The following DERL1 variants were observed in gnomAD, a reference collection of about 807,000 sequenced individuals.
DERL1 encodes the protein derlin 1.
Under a neutral mutation model 41.6 loss-of-function variants are expected in DERL1, and 24 were observed. That is an observed-to-expected ratio of 0.58 (90% CI 0.42 to 0.81). The LOEUF (loss-of-function observed/expected upper bound fraction) is 0.81, where lower values mean the gene tolerates loss of function less well. Ranked by LOEUF, DERL1 falls within the 30% of genes least tolerant of loss-of-function variation. DERL1 has a pLI of 0.00. For missense variants in DERL1, 260 were observed against 314.3 expected (o/e 0.83, Z 1.31); for synonymous variants, 124 against 112.5 (o/e 1.10, Z -0.65).
chr8:123,030,551 A>G, intron 2 of DERL1, 54 bp downstream of exon 2: 1 of 1,289,630 alleles, frequency 7.8e-7, no homozygotes. Context: ...AAGTAAACAC[A>G]TGGATTAGTA....
In DERL1 at chr8:123,019,596, C is replaced by A. The variant is rs142406298; in HGVS notation, c.507-291G>T. On this transcript the variant is annotated intron_variant, in intron 6 of 7. Transcript: ENST00000259512. ...AAAATATTGTTTTTGCTACTTCCTGCCTCAAGAGTTGGGGAAGTTGCAAAG... is the reference window on the plus strand; with the variant it reads ...AAAATATTGTTTTTGCTACTTCCTGACTCAAGAGTTGGGGAAGTTGCAAAG... 3.8e-3 allele frequency among the ~76,000 whole-genome samples: 581 copies of A among 152,262 alleles called. 4 individuals are homozygous for A. The highest frequency in any genetic ancestry group is 0.013 in the African/African-American group (549 of 41,538).
chr8:123,041,290 C>T (rs1219349256), intron 1 of DERL1, among the ~76,000 whole-genome samples: 2 of 152,204 alleles, frequency 1.3e-5, no homozygotes, highest in East Asian at 3.9e-4. Context: ...TTGGTGAATA[C>T]AGATAACCTT....
intron 6 of DERL1, 151 bp downstream of exon 6, chr8:123,021,296 T>A (rs536385924): frequency 2.8e-6 from 2 of 718,820 alleles, no homozygotes; most frequent in African/African-American, 3.6e-5. Flanking sequence ...ATCTAATCAA[T>A]TCAATCGAAG....
intron 3 of DERL1, among the ~76,000 whole-genome samples, 153 bp downstream of exon 3, chr8:123,024,833 G>GT (rs879222750): frequency 9.2e-5 from 14 of 152,094 alleles, no homozygotes; most frequent in South Asian, 4.2e-4. Flanking sequence ...ATTTACTACA[G>GT]TTTTTTTTAA....
At chr8:123,022,622 G>A in intron 5 of DERL1, 62 bp downstream of exon 5, 3 of 1,498,700 alleles carry the variant, frequency 2.0e-6, no homozygotes, top group Non-Finnish European at 2.8e-6. Flanking sequence ...GTACATCTCT[G>A]GACTGAAGAG....
chr8:123,034,981 T>C (rs1184420096), intron 1 of DERL1, among the ~76,000 whole-genome samples: 1 of 152,240 alleles, frequency 6.6e-6, no homozygotes, highest in Admixed American at 6.5e-5. Context: ...TTAATATGTG[T>C]GGGTGTGTTA....
chr8:123,017,446 ATGGAAGCCATCT>A (rs965850772), intron 7 of DERL1: 4 of 152,188 alleles, frequency 2.6e-5, no homozygotes, highest in Admixed American at 6.5e-5. Flanking sequence ...CTAAGACAAT[ATGGAAGCCATCT>A]CCACTGCTTA....
chr8:123,030,996 T>C (rs1812807648), intron 1 of DERL1, among the ~76,000 whole-genome samples: 4 of 152,364 alleles, frequency 2.6e-5, no homozygotes, highest in African/African-American at 7.2e-5. Flanking sequence ...TGGTTAGTCT[T>C]TGCTGAGATC....
chr8:123,021,939 T>C (rs1812558237), intron 5 of DERL1, among the ~76,000 whole-genome samples: 1 of 152,182 alleles, frequency 6.6e-6, no homozygotes, highest in Non-Finnish European at 1.5e-5. Context: ...TCCTCTGAAT[T>C]TTTATCTCAT....
At chr8:123,041,828 G>A in intron 1 of DERL1, 142 bp downstream of exon 1, 1 of 1,206,938 alleles carries the variant, frequency 8.3e-7, no homozygotes. Context: ...CGGGCCCAAA[G>A]GACCCCGCCC....
chr8:123,030,431 TA>T (rs1812797446), intron 2 of DERL1, 173 bp downstream of exon 2: 1 of 512,554 alleles, frequency 2.0e-6, no homozygotes, highest in Non-Finnish European at 3.4e-6. Flanking sequence ...TTGTGAGGAT[TA>T]AAAATTGAGT....
intron 2 of DERL1, chr8:123,030,305 A>C: frequency 4.5e-6 from 1 of 220,390 alleles, no homozygotes; most frequent in South Asian, 8.2e-5. Flanking sequence ...AGACCCTCAA[A>C]ATAAATGAAA....
At chr8:123,032,197 T>C (rs1252960154) in intron 1 of DERL1, among the ~76,000 whole-genome samples, 1 of 151,088 alleles carries the variant, frequency 6.6e-6, no homozygotes, top group African/African-American at 2.4e-5. Context: ...TGCAGTGGCA[T>C]GATCCTAGCT....
chr8:123,030,592 A>T lies in DERL1; in HGVS notation c.265+13T>A. 6.5e-7 allele frequency: 1 copy of T among 1,526,820 alleles called. No homozygotes were observed. Among genetic ancestry groups the T allele is most frequent in the Non-Finnish European group, 9.0e-7 (1 of 1,113,710 alleles). The allele number at this position is 1,526,820 out of a possible 1,614,324, so 94.6% of individuals were successfully genotyped here. A position where few individuals can be genotyped will look rare whatever the true frequency, so the allele number is the denominator to read the frequency against. ...GAAAGAAACAATGCTTAAAACAACTATGGGTAACATACCTGTTTCAAGTCG... is the reference window on the plus strand; with the variant it reads ...GAAAGAAACAATGCTTAAAACAACTTTGGGTAACATACCTGTTTCAAGTCG... On this transcript the variant is annotated intron_variant, in intron 2 of 7. Transcript: ENST00000259512.
At chr8:123,021,748 A>T (rs999173030) in intron 5 of DERL1, among the ~76,000 whole-genome samples, 1 of 152,200 alleles carries the variant, frequency 6.6e-6, no homozygotes, top group Non-Finnish European at 1.5e-5. Context: ...GTCTGATGCA[A>T]TACAGGCCCT....
chr8:123,036,562 A>C (rs1812933771), intron 1 of DERL1, among the ~76,000 whole-genome samples: 1 of 152,190 alleles, frequency 6.6e-6, no homozygotes, highest in Non-Finnish European at 1.5e-5. Context: ...TCAAGCTATA[A>C]ACTTATTATA....
intron 1 of DERL1, among the ~76,000 whole-genome samples, chr8:123,038,384 A>G (rs1167687706): frequency 6.6e-6 from 1 of 152,210 alleles, no homozygotes; most frequent in African/African-American, 2.4e-5. Flanking sequence ...ACATGTGTCC[A>G]AAATAGGCAA....
intron 1 of DERL1, 36 bp from the exon 2 acceptor site, chr8:123,030,752 T>A (rs1812803256): frequency 7.0e-7 from 1 of 1,418,504 alleles, no homozygotes; most frequent in Admixed American, 1.8e-5. Flanking sequence ...TGTTAGTTTC[T>A]GTAAGCCTGG....
At chr8:123,040,868 C>T (rs1813043149) in intron 1 of DERL1, among the ~76,000 whole-genome samples, 1 of 152,144 alleles carries the variant, frequency 6.6e-6, no homozygotes, top group South Asian at 2.1e-4. Flanking sequence ...AAAGGGGATT[C>T]AGTTTTGGAC....
Sources: gnomAD v4.1 joint callset for allele counts (sites outside exome capture counted in the v4.1 genomes callset) on GRCh38, gnomAD v4.1.1 for gene constraint, MANE v1.5 for transcripts, NCBI Gene and HGNC (gene_info 2026-07-23, HGNC 2026-07-21) for gene names.